The following UMODL1 variants were observed in gnomAD, a reference collection of about 807,000 sequenced individuals.
The protein encoded by UMODL1 is uromodulin like 1, also known as uromodulin-like 1.
Under a neutral mutation model 136.3 loss-of-function variants are expected in UMODL1, and 128 were observed. The observed-to-expected ratio is 0.94, with a 90% CI of 0.81 to 1.09. The LOEUF is 1.09. Ranked by LOEUF, UMODL1 falls within the 50% of genes least tolerant of loss-of-function variation. The probability of loss-of-function intolerance (pLI) is 0.00; values close to 1 mark genes in which losing one functional copy is unlikely to be tolerated. For missense variants in UMODL1, 1,766 were observed against 1,725.6 expected, an observed-to-expected ratio of 1.02 and a Z score of -0.41; for synonymous variants, 721 against 720.0, an observed-to-expected ratio of 1.00 and a Z score of -0.02.
intron 21 of UMODL1, among the ~76,000 whole-genome samples, chr21:42,135,072 G>T (rs2067187566): frequency 6.6e-6 from 1 of 152,130 alleles, no homozygotes; most frequent in Non-Finnish European, 1.5e-5. Flanking sequence ...TCCCTCACTG[G>T]GTTATATCCC....
At position 42,122,576 on chromosome 21, in the gene UMODL1, CGTGTGTGCAT is replaced by C. The variant is rs56945749; in HGVS notation, c.2828-234_2828-225del. Among the ~76,000 whole-genome samples, 46,091 of 150,380 alleles carry C rather than the reference CGTGTGTGCAT, an allele frequency of 0.31. 6,976 individuals are homozygous for C. The highest frequency in any genetic ancestry group is 0.39 in the Middle Eastern group (115 of 294). ...GTGTGTGTCTGCACGTGTGTGCGTG[CGTGTGTGCAT>C]GTGTGTGCATGTGTGTGCATCTCTG... On this transcript the variant is annotated intron_variant, in intron 16 of 22. Transcript: ENST00000408910. The surrounding 1 kb of genome is among the most constrained non-coding windows in gnomAD (Gnocchi z 4.3).
At chr21:42,092,824 T>C (rs2066507574) in intron 6 of UMODL1, among the ~76,000 whole-genome samples, 1 of 151,880 alleles carries the variant, frequency 6.6e-6, no homozygotes, top group South Asian at 2.1e-4. Context: ...ATTCTTAGAC[T>C]AACCCCAAGA....
intron 6 of UMODL1, among the ~76,000 whole-genome samples, chr21:42,096,579 G>A (rs1298170814): frequency 3.3e-5 from 5 of 152,174 alleles, no homozygotes; most frequent in African/African-American, 1.2e-4. Context: ...ACTCCTTATA[G>A]AATGCGTTTT....
chr21:42,075,043 C>T (rs977078999), intron 1 of UMODL1, among the ~76,000 whole-genome samples: 7 of 151,978 alleles, frequency 4.6e-5, no homozygotes, highest in Non-Finnish European at 8.8e-5. Flanking sequence ...GGACTACAGG[C>T]GCCCACCGCC....
chr21:42,112,509 G>A (rs2066847929), intron 12 of UMODL1, among the ~76,000 whole-genome samples: 1 of 150,278 alleles, frequency 6.7e-6, no homozygotes, highest in South Asian at 2.1e-4. Context: ...TGTTCTATAT[G>A]CCCCAGAGAT....
chr21:42,086,971 T>C (rs1294566947), intron 4 of UMODL1, among the ~76,000 whole-genome samples: 1 of 152,068 alleles, frequency 6.6e-6, no homozygotes, highest in Non-Finnish European at 1.5e-5. Flanking sequence ...TGTCTCTAAA[T>C]AAATAAAAAG....
chr21:42,080,848 A>C (rs1207979545), intron 2 of UMODL1, among the ~76,000 whole-genome samples: 4 of 152,250 alleles, frequency 2.6e-5, no homozygotes, highest in Non-Finnish European at 5.9e-5. Context: ...GCCTGTGAAC[A>C]TGACTCCACT....
intron 21 of UMODL1, among the ~76,000 whole-genome samples, chr21:42,135,269 A>T (rs2067190579): frequency 6.6e-6 from 1 of 152,240 alleles, no homozygotes; most frequent in South Asian, 2.1e-4. Context: ...GGAAATTACC[A>T]TCCACAGTTT....
intron 5 of UMODL1, among the ~76,000 whole-genome samples, chr21:42,088,717 C>T (rs2066456781): frequency 6.6e-6 from 1 of 152,014 alleles, no homozygotes; most frequent in South Asian, 2.1e-4. Flanking sequence ...ATTTTGCCCC[C>T]CATTTCCCGC....
rs202159448 is a variant in UMODL1, at chr21:42,115,876, C to G, written c.2366C>G (p.Ala789Gly). 1 of 1,613,546 alleles carries G rather than the reference C, an allele frequency of 6.2e-7. No individual in the cohort carries two copies. Among genetic ancestry groups the G allele is most frequent in the African/African-American group, 1.3e-5 (1 of 74,892 alleles). The change falls in exon 14 of 23, where the codon GCC (alanine) becomes GGC (glycine). Residue 789 changes from alanine to glycine, a missense_variant. By Grantham distance (60) the Ala-to-Gly change is moderately conservative. Coordinates refer to ENST00000408910, the MANE Select transcript of UMODL1 (RefSeq NM_001004416.3). ...ARAHLKVRTA[A>G]RKLIGKVRIK... ...GTGCTTATCCTCCATCCTGCAGCAG[C>G]CCGGAAGCTCATTGGAAAGGTCAGA...
intron 7 of UMODL1, among the ~76,000 whole-genome samples, chr21:42,100,039 C>G (rs1156881054): frequency 6.6e-6 from 1 of 152,202 alleles, no homozygotes; most frequent in East Asian, 1.9e-4. Context: ...CCACTTGGCT[C>G]TGCCCGTGTC....
At chr21:42,121,368 CGTGTGTGT>C (rs60666132) in intron 16 of UMODL1, 144 bp downstream of exon 16, 3 of 712,788 alleles carry the variant, frequency 4.2e-6, no homozygotes, top group Admixed American at 3.0e-5. Context: ...TGTGGGTGCA[CGTGTGTGT>C]GTGTGTGTGT....
chr21:42,126,248 A>G, intron 17 of UMODL1, 97 bp from the exon 18 acceptor site: 1 of 1,532,550 alleles, frequency 6.5e-7, no homozygotes, highest in Non-Finnish European at 8.8e-7. Flanking sequence ...TTTAGAGAAG[A>G]ACCCCCATCC....
At chr21:42,075,413 G>A (rs999791736) in intron 1 of UMODL1, among the ~76,000 whole-genome samples, 3 of 152,122 alleles carry the variant, frequency 2.0e-5, no homozygotes, top group African/African-American at 7.2e-5. Context: ...CAGAGCGACC[G>A]CACTCCACAG....
chr21:42,108,526 C>G (rs2066756916), intron 9 of UMODL1: 4 of 394,960 alleles, frequency 1.0e-5, no homozygotes, highest in Middle Eastern at 7.4e-4. Flanking sequence ...GTTTTCTTTG[C>G]CCAGAACTGA....
At chr21:42,137,415 A>G (rs1163034524) in intron 21 of UMODL1, 24 bp from the exon 22 acceptor site, 2 of 1,613,040 alleles carry the variant, frequency 1.2e-6, no homozygotes, top group Non-Finnish European at 8.5e-7. Context: ...CAGATCTCTC[A>G]CCTGTGCCTG....
rs752140978 is a variant in UMODL1 at position 42,137,432 on chromosome 21, C to A, written c.3776-7C>A. 1 of 1,613,894 alleles carries A rather than the reference C, an allele frequency of 6.2e-7. No homozygotes were observed. Among genetic ancestry groups the A allele is most frequent in the Non-Finnish European group, 8.5e-7 (1 of 1,179,914 alleles). ...GATCTCTCACCTGTGCCTGTCTCCT[C>A]CCCGAGGTGAGCCTCCTCATGCAGA... On this transcript the variant is annotated splice_polypyrimidine_tract_variant and splice_region_variant and intron_variant, in intron 21 of 22. Transcript: ENST00000408910.
chr21:42,074,289 A>G (rs1366569244), intron 1 of UMODL1, among the ~76,000 whole-genome samples: 1 of 152,174 alleles, frequency 6.6e-6, no homozygotes, highest in Non-Finnish European at 1.5e-5. Context: ...GTCTGTCTCC[A>G]CATTTCCCTT....
rs746213425 is a variant in UMODL1 at position 42,121,227 on chromosome 21, A to G, written c.2827+3A>G. 5 of 1,608,522 alleles carry G rather than the reference A, an allele frequency of 3.1e-6. No homozygotes were observed. The South Asian group carries it at 5.6e-5, about 18-fold the overall frequency. On this transcript the variant is annotated splice_donor_region_variant and intron_variant, in intron 16 of 22. Transcript: ENST00000408910. The stretch of plus-strand genomic sequence containing the variant: ...ATATTCTGAGAGACCCTGTGAAGGT[A>G]ATGTCGTCAGAGTTTCTTCTTCTGG...
Sources: allele counts gnomAD v4.1 joint callset (sites outside exome capture counted in the v4.1 genomes callset), GRCh38; gene constraint gnomAD v4.1.1; non-coding constraint Gnocchi (gnomAD v3.1); transcripts MANE v1.5; gene names NCBI Gene and HGNC (gene_info 2026-07-23, HGNC 2026-07-21).